The following HAL variants were observed in gnomAD, a reference collection of about 807,000 sequenced individuals.
HAL encodes histidase.
Under a neutral mutation model 81.1 loss-of-function variants are expected in HAL, and 85 were observed. The ratio of observed to expected loss-of-function variants is 1.05; its 90% confidence interval spans 0.88 to 1.25. The LOEUF is 1.25. Ranked by LOEUF, HAL falls within the 50% of genes most tolerant of loss-of-function variation. HAL has a pLI of 0.00. For synonymous variants in HAL, 301 were observed against 309.2 expected (o/e 0.97, Z 0.28); for missense variants, 798 against 836.6 (o/e 0.95, Z 0.57).
At chr12:95,974,796 G>C (rs1218185255) in intron 20 of HAL, among the ~76,000 whole-genome samples, 1 of 152,054 alleles carries the variant, frequency 6.6e-6, no homozygotes, top group African/African-American at 2.4e-5. Flanking sequence ...CTGGAGTGCA[G>C]TAGCATGATC....
intron 20 of HAL, among the ~76,000 whole-genome samples, chr12:95,974,821 C>T (rs944148179): frequency 2.0e-5 from 3 of 152,062 alleles, no homozygotes; most frequent in African/African-American, 7.2e-5. Context: ...CTCACTGCAA[C>T]CTCCACCTTC....
Position 95,990,383 on chromosome 12 carries a change from C to T in HAL, c.855+10G>A, listed in dbSNP as rs201945541. ...CAATTGCTGCAGATAGAAGCTGCTA[C>T]GAGTCTTACGTATTTAGCATCAGCC... On this transcript the variant is annotated intron_variant, in intron 10 of 20. Transcript: ENST00000261208. The T allele has an allele frequency of 2.5e-5, 40 of 1,610,564 alleles. No homozygotes were observed. In the South Asian group the frequency reaches 3.3e-4, roughly 13 times the overall value.
chr12:95,976,808 G>A (rs1194911427), intron 18 of HAL, 102 bp from the exon 19 acceptor site: 1 of 759,758 alleles, frequency 1.3e-6, no homozygotes, highest in Non-Finnish European at 2.4e-6. Flanking sequence ...CCAACTAACA[G>A]ATGGTTTGTT....
chr12:95,987,991 T>C (rs1949916629), intron 11 of HAL, among the ~76,000 whole-genome samples: 1 of 151,738 alleles, frequency 6.6e-6, no homozygotes. Flanking sequence ...CTTCCCAAAG[T>C]GCTAGGATTA....
intron 15 of HAL, among the ~76,000 whole-genome samples, chr12:95,983,453 C>G (rs1010192785): frequency 6.6e-6 from 1 of 152,094 alleles, no homozygotes; most frequent in Non-Finnish European, 1.5e-5. Flanking sequence ...TTAATCAATA[C>G]TTTGGTAAGT....
intron 15 of HAL, 116 bp from the exon 16 acceptor site, chr12:95,980,979 G>A (rs1441005251): frequency 1.2e-5 from 9 of 762,520 alleles, no homozygotes; most frequent in Non-Finnish European, 1.9e-5. Flanking sequence ...GTGGGGTGGA[G>A]GGAAAGAGAC....
chr12:95,976,842 T>C, intron 18 of HAL, 136 bp from the exon 19 acceptor site: 1 of 712,120 alleles, frequency 1.4e-6, no homozygotes, highest in Non-Finnish European at 2.6e-6. Context: ...TAGAATGAAG[T>C]TGCTTTGGTA....
rs1448792408 is a variant in HAL at position 95,993,798 on chromosome 12, T to C, written c.525A>G (p.Arg175=). 1.3e-6 allele frequency: 2 copies of C among 1,576,204 alleles called. No individual in the cohort carries two copies. Among genetic ancestry groups the C allele is most frequent in the Non-Finnish European group, 8.7e-7 (1 of 1,145,528 alleles). ...GTAGCTTATTGATAGGAATTACAGTTCTGGCAAATTTCCCAAAACCTGTAG... is the reference window on the plus strand; with the variant it reads ...GTAGCTTATTGATAGGAATTACAGTCCTGGCAAATTTCCCAAAACCTGTAG... ...GITTGFGKFA[R]TVIPINKLQE... The change falls in exon 7 of 21, where the codon AGA becomes AGG. Residue 175 remains arginine, a synonymous_variant. Transcript: ENST00000261208.
Position 95,987,216 on chromosome 12 carries a change from T to G in HAL, c.904-2A>C. 1 of 1,613,556 alleles carries G rather than the reference T, an allele frequency of 6.2e-7. No individual in the cohort carries two copies. Among genetic ancestry groups the G allele is most frequent in the Non-Finnish European group, 8.5e-7 (1 of 1,179,414 alleles). On this transcript the variant is annotated splice_acceptor_variant, in intron 11 of 20. Coordinates refer to ENST00000261208, the MANE Select transcript of HAL (RefSeq NM_002108.4). LOFTEE classifies it high-confidence loss of function. ...CGTCCCATTGATGAGTGCCAGGCCCTGTCGGGGGAGAGAGCAAAGTTTCCT... is the reference window on the plus strand; with the variant it reads ...CGTCCCATTGATGAGTGCCAGGCCCGGTCGGGGGAGAGAGCAAAGTTTCCT...
chr12:95,974,499 C>G, intron 20 of HAL, 127 bp from the exon 21 acceptor site: 2 of 850,770 alleles, frequency 2.4e-6, no homozygotes, highest in East Asian at 5.0e-5. Flanking sequence ...TGTTTGCTTG[C>G]TTTTATTTTA....
chr12:95,992,505 C>G (rs1043478719), intron 9 of HAL, among the ~76,000 whole-genome samples, 175 bp downstream of exon 9: 1 of 152,178 alleles, frequency 6.6e-6, no homozygotes, highest in African/African-American at 2.4e-5. Flanking sequence ...CATCTCTGAT[C>G]GACTTTCTCC....
rs764399347 is a variant in HAL, at chr12:95,978,030, G to A, written c.1568C>T (p.Ser523Phe). ...GTGGTCCTCCGTGGCTGCGCTGGTG[G>A]AGAGGGAGTCAACAGACGAGGGATG... ...LCHPSSVDSLSTSAATEDHVS... is the reference protein window; with the variant it reads ...LCHPSSVDSLFTSAATEDHVS... The change falls in exon 18 of 21, where the codon TCC becomes TTC. Residue 523 changes from serine (S) to phenylalanine (F), a missense_variant. Physicochemically the swap from Ser to Phe is radical, Grantham distance 155. Transcript: ENST00000261208. 6.2e-7 allele frequency: 1 copy of A among 1,613,646 alleles called. No individual in the cohort carries two copies. The highest frequency in any genetic ancestry group is 1.1e-5 in the South Asian group (1 of 91,060).
In HAL at chr12:95,994,143, G is replaced by A. The variant is rs746402806; in HGVS notation, c.358C>T (p.Arg120Cys). ...PEKYIELDGDRLTTEDLVNLG... is the reference protein window; with the variant it reads ...PEKYIELDGDCLTTEDLVNLG... ...TTGACCAGATCCTCCGTGGTCAGACGGTCTCCATCTAACTCGATGTACTAC... is the reference window on the plus strand; with the variant it reads ...TTGACCAGATCCTCCGTGGTCAGACAGTCTCCATCTAACTCGATGTACTAC... The change falls in exon 5 of 21, where the codon CGT becomes TGT. Residue 120 changes from arginine (R) to cysteine (C), a missense_variant. Physicochemically the swap from Arg to Cys is radical, Grantham distance 180 (BLOSUM62 -3). Transcript: ENST00000261208. 10 of 1,612,406 alleles carry A rather than the reference G, an allele frequency of 6.2e-6. No homozygotes were observed. The highest frequency in any genetic ancestry group is 3.3e-5 in the Admixed American group (2 of 59,982).
At chr12:95,981,211 C>G (rs2080791599) in intron 15 of HAL, among the ~76,000 whole-genome samples, 1 of 152,150 alleles carries the variant, frequency 6.6e-6, no homozygotes, top group Non-Finnish European at 1.5e-5. Context: ...ACCAACACAT[C>G]TGTTTGAAAG....
In HAL at chr12:95,977,924, C is replaced by T. The variant is rs769977378; in HGVS notation, c.1654+20G>A. On this transcript the variant is annotated intron_variant, in intron 18 of 20. Transcript: ENST00000261208. Reference sequence around the variant, plus strand: ...GTGGTCTATCAGGCAGGCCCGCCACCCCGAACTCATCAGCATTACCTTGCT... The same window carrying T: ...GTGGTCTATCAGGCAGGCCCGCCACTCCGAACTCATCAGCATTACCTTGCT... 1.8e-5 allele frequency: 29 copies of T among 1,613,700 alleles called. No homozygotes were observed. Among genetic ancestry groups the T allele is most frequent in the Non-Finnish European group, 2.5e-5 (29 of 1,179,812 alleles).
chr12:95,982,312 A>G (rs1158242072), intron 15 of HAL, among the ~76,000 whole-genome samples: 1 of 152,246 alleles, frequency 6.6e-6, no homozygotes, highest in African/African-American at 2.4e-5. Flanking sequence ...GCAATCTTTA[A>G]TTGAAAAAAA....
chr12:95,992,544 TGCCAACGG>T, intron 9 of HAL, 128 bp downstream of exon 9: 1 of 751,558 alleles, frequency 1.3e-6, no homozygotes, highest in Admixed American at 2.2e-5. Context: ...TCCTACTTTT[TGCCAACGG>T]CATTTCCCAC....
At chr12:95,988,905 G>C (rs1171655905) in intron 10 of HAL, among the ~76,000 whole-genome samples, 1 of 152,208 alleles carries the variant, frequency 6.6e-6, no homozygotes, top group African/African-American at 2.4e-5. Context: ...GAGAAGGACA[G>C]AGCTGGTCCC....
At position 95,987,117 on chromosome 12, in the gene HAL, G is replaced by A. The variant is rs1306299257; in HGVS notation, c.1001C>T (p.Ala334Val). The A allele has an allele frequency of 6.2e-7, 1 of 1,613,230 alleles. No homozygotes were observed. Among genetic ancestry groups the A allele is most frequent in the Non-Finnish European group, 8.5e-7 (1 of 1,179,174 alleles). ...SAIARQADIV[A>V]ALTLEVLKGT... is the part of the protein sequence containing the mutation. ...CTTCAGCACCTCAAGGGTCAGGGCTGCCACAATGTCAGCCTGCCGTGCAAT... is the reference window on the plus strand; with the variant it reads ...CTTCAGCACCTCAAGGGTCAGGGCTACCACAATGTCAGCCTGCCGTGCAAT... Residue 334 changes from alanine (A) to valine (V), a missense_variant, in exon 12 of 21, where the codon GCA (alanine) becomes GTA (valine). Ala to Val is a moderately conservative substitution (Grantham distance 64). Transcript: ENST00000261208.
Sources: allele counts gnomAD v4.1 joint callset (sites outside exome capture counted in the v4.1 genomes callset), GRCh38; gene constraint gnomAD v4.1.1; transcripts MANE v1.5; gene names NCBI Gene and HGNC (gene_info 2026-07-23, HGNC 2026-07-21).